CAPRIN1: variants seen among roughly 807,000 people sequenced by gnomAD.
CAPRIN1 encodes cell cycle associated protein 1, also known as caprin-1.
CAPRIN1 carries 29 observed loss-of-function variants against 100.9 expected under a neutral mutation model. That is an observed-to-expected ratio of 0.29 (90% confidence interval 0.21 to 0.39). The LOEUF (loss-of-function observed/expected upper bound fraction) is 0.39. CAPRIN1 is among the 10% of genes least tolerant of loss of function. CAPRIN1 has a pLI of 1.00. For missense variants in CAPRIN1, 795 were observed against 876.7 expected (o/e 0.91, Z 1.18); for synonymous variants, 338 against 307.5 (o/e 1.10, Z -1.04).
chr11:34,092,713 G>T (rs1358456037), intron 15 of CAPRIN1, among the ~76,000 whole-genome samples: 3 of 152,132 alleles, frequency 2.0e-5, no homozygotes, highest in African/African-American at 7.2e-5. Flanking sequence ...ATGATATCTG[G>T]CATTGAGTCA....
At chr11:34,059,039 ATTGCT>A (rs1372868909) in intron 2 of CAPRIN1, among the ~76,000 whole-genome samples, 2 of 152,146 alleles carry the variant, frequency 1.3e-5, no homozygotes, top group Non-Finnish European at 2.9e-5. Context: ...GGAACTGTAA[ATTGCT>A]TTGTTTTAGC....
intron 2 of CAPRIN1, among the ~76,000 whole-genome samples, chr11:34,061,846 C>T (rs769673132): frequency 6.6e-6 from 1 of 151,706 alleles, no homozygotes; most frequent in Non-Finnish European, 1.5e-5. Context: ...TGGCTTATGC[C>T]TGTAATCCCA....
At chr11:34,063,048 AAAG>A (rs1201977724) in intron 2 of CAPRIN1, 1 of 152,172 alleles carries the variant, frequency 6.6e-6, no homozygotes, top group African/African-American at 2.4e-5. Context: ...CTATAACAAT[AAAG>A]AAGCAAAGCC....
chr11:34,064,029 G>C (rs1850635531), intron 2 of CAPRIN1, among the ~76,000 whole-genome samples: 1 of 152,106 alleles, frequency 6.6e-6, no homozygotes, highest in Non-Finnish European at 1.5e-5. Context: ...CGGCCTCCCA[G>C]AGTGCTGGGA....
At chr11:34,089,367 G>C in intron 11 of CAPRIN1, 28 bp from the exon 12 acceptor site, 1 of 1,430,560 alleles carries the variant, frequency 7.0e-7, no homozygotes, top group South Asian at 1.2e-5. Flanking sequence ...AATTTTGTTT[G>C]ACAAAAATGT....
intron 4 of CAPRIN1, among the ~76,000 whole-genome samples, chr11:34,073,463 T>C (rs1850841879): frequency 6.6e-6 from 1 of 152,234 alleles, no homozygotes; most frequent in African/African-American, 2.4e-5. Context: ...TTTGTTTGTT[T>C]GTCTTGTTTT....
chr11:34,068,035 CAG>C (rs951276603), intron 2 of CAPRIN1, among the ~76,000 whole-genome samples: 11 of 152,282 alleles, frequency 7.2e-5, no homozygotes, highest in African/African-American at 2.4e-4. Flanking sequence ...GGGATTCAGA[CAG>C]GGCACACAGG....
chr11:34,055,671 G>A (rs1020889836), intron 2 of CAPRIN1: 1 of 152,128 alleles, frequency 6.6e-6, no homozygotes, highest in Non-Finnish European at 1.5e-5. Context: ...TATTACATAG[G>A]TTATTAACTA....
In CAPRIN1 at chr11:34,093,860, A is replaced by G. The variant is rs552107868; in HGVS notation, c.1705+1804A>G. On this transcript the variant is annotated intron_variant, in intron 15 of 18. Coordinates refer to ENST00000341394, the MANE Select transcript of CAPRIN1 (RefSeq NM_005898.5). ...ATTGTCCAGGCTGGTCTCGAACACC[A>G]GTCACATACGCAGCAAGTTCTCTTT... Among the ~76,000 whole-genome samples, 3 of 124,684 alleles carry G rather than the reference A, an allele frequency of 2.4e-5. No individual in the cohort carries two copies. The South Asian group carries it at 7.1e-4, about 29-fold the overall frequency. 81.8% of individuals were successfully genotyped at this position (124,684 alleles called of 152,430 possible).
At chr11:34,057,347 C>T (rs1035780936) in intron 2 of CAPRIN1, among the ~76,000 whole-genome samples, 1 of 152,142 alleles carries the variant, frequency 6.6e-6, no homozygotes, top group Non-Finnish European at 1.5e-5. Context: ...GCTGTGAATT[C>T]CCCCAAGTGA....
At chr11:34,093,971 TA>T (rs1459267209) in intron 15 of CAPRIN1, among the ~76,000 whole-genome samples, 5 of 117,524 alleles carry the variant, frequency 4.3e-5, no homozygotes, top group Non-Finnish European at 7.5e-5. Flanking sequence ...TCTATTTTTT[TA>T]AAAAAAGTTC....
At chr11:34,059,945 C>T (rs1850540143) in intron 2 of CAPRIN1, among the ~76,000 whole-genome samples, 1 of 142,946 alleles carries the variant, frequency 7.0e-6, no homozygotes, top group Non-Finnish European at 1.5e-5. Flanking sequence ...CCTGTAATCT[C>T]AGCACTTTGG....
chr11:34,062,738 T>C (rs1289671759), intron 2 of CAPRIN1, among the ~76,000 whole-genome samples: 1 of 152,156 alleles, frequency 6.6e-6, no homozygotes, highest in East Asian at 1.9e-4. Context: ...TTATTTGGCC[T>C]GGATACATAA....
intron 15 of CAPRIN1, among the ~76,000 whole-genome samples, chr11:34,095,179 A>C (rs1192300995): frequency 6.6e-6 from 1 of 152,188 alleles, no homozygotes; most frequent in Non-Finnish European, 1.5e-5. Context: ...TACCAGTGTG[A>C]GCCACTACAC....
chr11:34,090,230 T>C lies in CAPRIN1; in HGVS notation c.1345T>C (p.Tyr449His). ...SEGYTASQPL[Y>H]QPSHATEQRP... Reference sequence around the variant, plus strand: ...GGGGTACACAGCATCTCAACCCTTGTACCAGCCTTCTCATGCTACAGAGCA... The same window carrying C: ...GGGGTACACAGCATCTCAACCCTTGCACCAGCCTTCTCATGCTACAGAGCA... Residue 449 changes from tyrosine to histidine, a missense_variant, in exon 13 of 19, where the codon TAC becomes CAC. Coordinates refer to ENST00000341394, the MANE Select transcript of CAPRIN1 (RefSeq NM_005898.5). 6.2e-7 allele frequency: 1 copy of C among 1,614,054 alleles called. No individual in the cohort carries two copies. Among genetic ancestry groups the C allele is most frequent in the Non-Finnish European group, 8.5e-7 (1 of 1,179,952 alleles).
chr11:34,084,111 T>C (rs1228386840), intron 9 of CAPRIN1, among the ~76,000 whole-genome samples: 1 of 152,148 alleles, frequency 6.6e-6, no homozygotes, highest in African/African-American at 2.4e-5. Flanking sequence ...AGTTTTTTTT[T>C]TTTGAGAGTC....
At position 34,063,982 on chromosome 11, in the gene CAPRIN1, GGTCTT is replaced by G. The variant is rs1363024150; in HGVS notation, c.217-7742_217-7738del. ...GGGGTTTCTCCATGTTGGTCAGGCTGGTCTTGAACTCCTGACCTCAGGTGATCCAC... is the reference window on the plus strand; with the variant it reads ...GGGGTTTCTCCATGTTGGTCAGGCTGGAACTCCTGACCTCAGGTGATCCAC... On this transcript the variant is annotated intron_variant, in intron 2 of 18. Transcript: ENST00000341394. 2.5e-4 allele frequency among the ~76,000 whole-genome samples: 38 copies of G among 152,166 alleles called. No individual in the cohort carries two copies. The East Asian group carries it at 7.4e-3, about 29-fold the overall frequency.
At chr11:34,078,415 CT>C (rs1284983783) in intron 6 of CAPRIN1, among the ~76,000 whole-genome samples, 1 of 152,194 alleles carries the variant, frequency 6.6e-6, no homozygotes, top group African/African-American at 2.4e-5. Context: ...ACATCTCCCC[CT>C]CTGCCCTGCA....
chr11:34,065,467 C>T (rs772965143), intron 2 of CAPRIN1, among the ~76,000 whole-genome samples: 2 of 152,232 alleles, frequency 1.3e-5, no homozygotes, highest in African/African-American at 4.8e-5. Flanking sequence ...CACTGAGTTT[C>T]TGATTCAGTA....
Sources: allele counts gnomAD v4.1 joint callset (sites outside exome capture counted in the v4.1 genomes callset), GRCh38; gene constraint gnomAD v4.1.1; transcripts MANE v1.5; gene names NCBI Gene and HGNC (gene_info 2026-07-23, HGNC 2026-07-21).